The following SCN9A variants were observed in gnomAD, a reference collection of about 807,000 sequenced individuals.
SCN9A encodes sodium voltage-gated channel alpha subunit 9, also known as sodium channel protein type 9 subunit alpha.
In SCN9A, 131 loss-of-function variants were observed where a neutral mutation model predicts 187.0. That is an observed-to-expected ratio of 0.70 (90% CI 0.61 to 0.81). The LOEUF (loss-of-function observed/expected upper bound fraction) is 0.81, where lower values mean the gene tolerates loss of function less well. SCN9A is among the 30% of genes least tolerant of loss of function. SCN9A has a pLI of 0.00. For synonymous variants in SCN9A, 809 were observed against 808.6 expected, an observed-to-expected ratio of 1.00 and a Z score of -0.01; for missense variants, 2,252 against 2,396.6, an observed-to-expected ratio of 0.94 and a Z score of 1.26.
intron 9 of SCN9A, 100 bp downstream of exon 9, chr2:166,293,131 C>G: frequency 9.8e-7 from 1 of 1,022,186 alleles, no homozygotes; most frequent in Non-Finnish European, 1.4e-6. Flanking sequence ...GAGTTTCCTC[C>G]ATTCTCAAAT....
Position 166,300,756 on chromosome 2 carries a change from A to G in SCN9A, c.901+2334T>C, listed in dbSNP as rs984727054. On this transcript the variant is annotated intron_variant, in intron 7 of 26. Transcript: ENST00000642356. Reference sequence around the variant, plus strand: ...TTAAACACCTCTTCACTAAAACTACATTTCAGAAGAAAATAAAGAATAATG... The same window carrying G: ...TTAAACACCTCTTCACTAAAACTACGTTTCAGAAGAAAATAAAGAATAATG... Among the ~76,000 whole-genome samples the G allele has an allele frequency of 2.0e-5, 3 of 150,956 alleles. 1 individual carries two copies. The highest frequency in any genetic ancestry group is 7.4e-5 in the African/African-American group (3 of 40,274).
intron 18 of SCN9A, among the ~76,000 whole-genome samples, chr2:166,244,370 C>G (rs1695698000): frequency 6.6e-6 from 1 of 151,990 alleles, no homozygotes; most frequent in Non-Finnish European, 1.5e-5. Context: ...GTGCTGAAAG[C>G]AGACCATACC....
chr2:166,278,488 C>T (rs1697337583), intron 14 of SCN9A, among the ~76,000 whole-genome samples, 175 bp from the exon 15 acceptor site: 1 of 152,144 alleles, frequency 6.6e-6, no homozygotes, highest in South Asian at 2.1e-4. Flanking sequence ...TCTTCCCTGG[C>T]TCCCATATCA....
rs367719041 is a variant in SCN9A at position 166,198,975 on chromosome 2, T to C, written c.5664A>G (p.Gln1888=). Residue 1888 remains glutamine, a synonymous_variant, in exon 27 of 27, where the codon CAA becomes CAG. Coordinates refer to ENST00000642356, the MANE Select transcript of SCN9A (RefSeq NM_001365536.1). ...EPITTTLKRK[Q]EDVSATVIQR... is the part of the protein sequence containing the mutation. ...GAATGACAGTAGCAGACACATCCTC[T>C]TGTTTCCGTTTTAGTGTGGTTGTGA... 2.3e-5 allele frequency: 37 copies of C among 1,613,926 alleles called. No homozygotes were observed. The African/African-American group carries it at 4.7e-4, about 20-fold the overall frequency.
chr2:166,334,821 T>G (rs1268869713), intron 1 of SCN9A, among the ~76,000 whole-genome samples: 1 of 152,150 alleles, frequency 6.6e-6, no homozygotes, highest in Non-Finnish European at 1.5e-5. Flanking sequence ...CAATTCAAAT[T>G]AAGTCATGTG....
In SCN9A at chr2:166,367,936, T is replaced by G. The variant is rs969470898; in HGVS notation, c.-51+7761A>C. The stretch of plus-strand genomic sequence containing the variant: ...TTTGTTGTTTTCTATTAGCTGTAAT[T>G]ACATGATTTAGTATGTTTGATTGCA... On this transcript the variant is annotated intron_variant, in intron 1 of 26. Coordinates refer to ENST00000642356, the MANE Select transcript of SCN9A (RefSeq NM_001365536.1). 4.6e-5 allele frequency among the ~76,000 whole-genome samples: 7 copies of G among 152,370 alleles called. 1 individual carries two copies. Among genetic ancestry groups the G allele is most frequent in the Admixed American group, 2.6e-4 (4 of 15,304 alleles).
chr2:166,348,985 G>A (rs772505511), intron 1 of SCN9A, among the ~76,000 whole-genome samples: 5 of 152,000 alleles, frequency 3.3e-5, no homozygotes, highest in Non-Finnish European at 7.4e-5. Context: ...AAAATTAGCC[G>A]GGCGTGGTGG....
intron 16 of SCN9A, among the ~76,000 whole-genome samples, chr2:166,276,233 G>A (rs948386767): frequency 6.6e-6 from 1 of 152,118 alleles, no homozygotes; most frequent in Non-Finnish European, 1.5e-5. Context: ...TCCACGCGAT[G>A]CTATAGGCCA....
At chr2:166,341,727 T>A (rs1207686847) in intron 1 of SCN9A, among the ~76,000 whole-genome samples, 2 of 152,212 alleles carry the variant, frequency 1.3e-5, no homozygotes, top group African/African-American at 4.8e-5. Context: ...GCTATTATAT[T>A]ACTTTTGCTA....
intron 1 of SCN9A, among the ~76,000 whole-genome samples, chr2:166,357,231 G>A (rs1172183969): frequency 2.0e-5 from 3 of 152,054 alleles, no homozygotes; most frequent in Admixed American, 6.6e-5. Flanking sequence ...TTCACAGTAC[G>A]GTATTTTATT....
At position 166,227,961 on chromosome 2, in the gene SCN9A, G is replaced by A. The variant is rs146108919; in HGVS notation, c.4207-238C>T. 4.1e-3 allele frequency among the ~76,000 whole-genome samples: 619 copies of A among 152,044 alleles called. 7 individuals are homozygous for A. The highest frequency in any genetic ancestry group is 0.013 in the African/African-American group (555 of 41,460). On this transcript the variant is annotated intron_variant, in intron 22 of 26. Transcript: ENST00000642356. ...ATTGTTACAGTTGCCTGTGAATTTC[G>A]CACATAACCTTTTATTTTTTAAAGG...
intron 1 of SCN9A, among the ~76,000 whole-genome samples, chr2:166,330,423 TTTG>T (rs1452601757): frequency 6.6e-6 from 1 of 152,078 alleles, no homozygotes; most frequent in Non-Finnish European, 1.5e-5. Flanking sequence ...TTTCTCATTG[TTTG>T]TTTTTATTTA....
intron 1 of SCN9A, among the ~76,000 whole-genome samples, chr2:166,373,059 A>G (rs1355294484): frequency 2.0e-5 from 3 of 152,208 alleles, no homozygotes; most frequent in Non-Finnish European, 4.4e-5. Context: ...AAAGTTTAAG[A>G]AGGAGTAAGC....
intron 1 of SCN9A, among the ~76,000 whole-genome samples, chr2:166,332,726 C>G (rs952126912): frequency 2.6e-5 from 4 of 151,798 alleles, no homozygotes; most frequent in Admixed American, 6.6e-5. Context: ...GGACTAAGTC[C>G]GTCCTTAAAA....
chr2:166,372,372 A>G (rs1176631666), intron 1 of SCN9A, among the ~76,000 whole-genome samples: 2 of 152,200 alleles, frequency 1.3e-5, no homozygotes, highest in Non-Finnish European at 2.9e-5. Context: ...CTGAGCTCAC[A>G]TAAGCATCTA....
intron 1 of SCN9A, among the ~76,000 whole-genome samples, chr2:166,332,724 T>C (rs1207406857): frequency 6.6e-6 from 1 of 152,056 alleles, no homozygotes; most frequent in Non-Finnish European, 1.5e-5. Flanking sequence ...TTGGACTAAG[T>C]CCGTCCTTAA....
At chr2:166,286,292 G>C in intron 11 of SCN9A, 44 bp downstream of exon 11, 2 of 1,531,480 alleles carry the variant, frequency 1.3e-6, no homozygotes, top group Non-Finnish European at 1.8e-6. Context: ...TTTTTCTCTA[G>C]CATTCTGCCT....
At chr2:166,334,500 G>T (rs1275148859) in intron 1 of SCN9A, among the ~76,000 whole-genome samples, 1 of 151,954 alleles carries the variant, frequency 6.6e-6, no homozygotes, top group East Asian at 1.9e-4. Flanking sequence ...TAATTTTTAT[G>T]ACTACTAACT....
chr2:166,370,963 T>G (rs1700546985), intron 1 of SCN9A, among the ~76,000 whole-genome samples: 1 of 152,218 alleles, frequency 6.6e-6, no homozygotes, highest in African/African-American at 2.4e-5. Flanking sequence ...TCAGAAAGCT[T>G]TGTAAAAAAT....
Sources: gnomAD v4.1 joint callset for allele counts (sites outside exome capture counted in the v4.1 genomes callset) on GRCh38, gnomAD v4.1.1 for gene constraint, MANE v1.5 for transcripts, NCBI Gene and HGNC (gene_info 2026-07-23, HGNC 2026-07-21) for gene names.